GLIS3: variants seen among roughly 807,000 people sequenced by gnomAD.
The protein encoded by GLIS3 is zinc finger protein GLIS3.
A neutral mutation model predicts 78.6 loss-of-function variants in GLIS3; 53 were observed. The observed-to-expected ratio is 0.67, with a 90% CI of 0.54 to 0.85. The LOEUF is 0.85. Ranked by LOEUF, GLIS3 falls within the 40% of genes least tolerant of loss-of-function variation. GLIS3 has a pLI of 0.00. For missense variants in GLIS3, 1,703 were observed against 1,231.1 expected (o/e 1.38, Z -5.74); for synonymous variants, 684 against 509.9 (o/e 1.34, Z -4.60).
At chr9:4,027,665 A>C (rs1024966708) in intron 4 of GLIS3, among the ~76,000 whole-genome samples, 2 of 152,162 alleles carry the variant, frequency 1.3e-5, no homozygotes, top group Admixed American at 1.3e-4. Flanking sequence ...CTGTTCCTAA[A>C]CAGTCTGATA....
chr9:4,350,763 A>G (rs1368264577), upstream of GLIS3, among the ~76,000 whole-genome samples: 1 of 146,186 alleles, frequency 6.8e-6, no homozygotes, highest in East Asian at 2.1e-4. Flanking sequence ...CTTCTACCCA[A>G]AATGCCTTGG....
intron 4 of GLIS3, among the ~76,000 whole-genome samples, chr9:4,090,106 G>A (rs937417209): frequency 1.3e-5 from 2 of 152,102 alleles, no homozygotes; most frequent in African/African-American, 2.4e-5. Flanking sequence ...CTTTGTCAAA[G>A]CACTTGTCCC....
chr9:4,398,681 T>TTTG, the GLIS3 span, among the ~76,000 whole-genome samples: 5 of 151,992 alleles, frequency 3.3e-5, no homozygotes, highest in African/African-American at 4.8e-5. Context: ...CTTAAGCTCT[T>TTTG]TTGTTGTTGT....
At chr9:4,249,250 A>G (rs961352096) in intron 2 of GLIS3, among the ~76,000 whole-genome samples, 38 of 152,224 alleles carry the variant, frequency 2.5e-4, no homozygotes, top group Non-Finnish European at 1.2e-4. Context: ...CTTCCTATCC[A>G]TGAACATGGA....
chr9:4,172,481 G>A (rs868610640), intron 2 of GLIS3, among the ~76,000 whole-genome samples: 9 of 152,200 alleles, frequency 5.9e-5, no homozygotes, highest in Admixed American at 1.3e-4. Context: ...AAATCCAAAC[G>A]TACAGTATTT....
chr9:3,964,405 G>A (rs976282538), intron 4 of GLIS3, among the ~76,000 whole-genome samples: 1 of 151,978 alleles, frequency 6.6e-6, no homozygotes, highest in African/African-American at 2.4e-5. Context: ...TTTAACAAAA[G>A]GTCAAGACGT....
At chr9:4,162,856 A>T (rs1268910535) in intron 2 of GLIS3, among the ~76,000 whole-genome samples, 1 of 6,198 alleles carries the variant, frequency 1.6e-4, no homozygotes, top group Non-Finnish European at 2.9e-4. Context: ...CGCTCTGTCA[A>T]AAAAAAAAAA....
Position 4,046,457 on chromosome 9 carries a change from G to A in GLIS3, c.1710+71311C>T, listed in dbSNP as rs1367794489. 2.6e-5 allele frequency among the ~76,000 whole-genome samples: 4 copies of A among 152,164 alleles called. No homozygotes were observed. In the East Asian group the frequency reaches 7.7e-4, roughly 29 times the overall value. On this transcript the variant is annotated intron_variant, in intron 4 of 10. Transcript: ENST00000381971. ...GGGCCCAAATAAACAACCCTATAAG[G>A]AGGGGCTGAGAGATACATGACTTAA...
chr9:4,098,732 G>A (rs754680983), intron 4 of GLIS3, among the ~76,000 whole-genome samples: 20 of 151,962 alleles, frequency 1.3e-4, no homozygotes, highest in Non-Finnish European at 2.4e-4. Flanking sequence ...AAAGTTTTAC[G>A]ATCGAAATGG....
At chr9:4,077,691 G>T (rs761246965) in intron 4 of GLIS3, among the ~76,000 whole-genome samples, 1 of 152,062 alleles carries the variant, frequency 6.6e-6, no homozygotes, top group Non-Finnish European at 1.5e-5. Context: ...CCAACAGGGG[G>T]CGCGGGGGGG....
At chr9:3,878,417 A>G (rs1303664185) in intron 8 of GLIS3, among the ~76,000 whole-genome samples, 1 of 152,202 alleles carries the variant, frequency 6.6e-6, no homozygotes. Context: ...ACAAAATAAT[A>G]TTGATAAAGG....
the GLIS3 span, among the ~76,000 whole-genome samples, chr9:4,383,455 A>G: frequency 6.6e-6 from 1 of 152,212 alleles, no homozygotes; most frequent in African/African-American, 2.4e-5. Flanking sequence ...TTTATTATGT[A>G]TCAAAGATAA....
At chr9:3,959,863 A>C (rs1375772225) in intron 4 of GLIS3, among the ~76,000 whole-genome samples, 2 of 152,170 alleles carry the variant, frequency 1.3e-5, no homozygotes, top group Non-Finnish European at 2.9e-5. Flanking sequence ...TAGAAAGAGG[A>C]AATTTGGGCC....
At chr9:4,382,941 C>T in the GLIS3 span, among the ~76,000 whole-genome samples, 35 of 152,282 alleles carry the variant, frequency 2.3e-4, no homozygotes, top group African/African-American at 8.4e-4. Context: ...TCTCACAAAG[C>T]AAAATTTGAC....
chr9:4,367,203 A>G, the GLIS3 span, among the ~76,000 whole-genome samples: 1 of 152,228 alleles, frequency 6.6e-6, no homozygotes, highest in Non-Finnish European at 1.5e-5. Flanking sequence ...CCGACGGCAT[A>G]TACCCTGCCC....
At chr9:4,202,404 G>C (rs1819485485) in intron 2 of GLIS3, among the ~76,000 whole-genome samples, 1 of 148,256 alleles carries the variant, frequency 6.7e-6, no homozygotes, top group Admixed American at 6.8e-5. Context: ...ACCCACCTCA[G>C]CCTCCCAAGG....
At chr9:4,058,384 T>A (rs1272726630) in intron 4 of GLIS3, among the ~76,000 whole-genome samples, 1 of 152,078 alleles carries the variant, frequency 6.6e-6, no homozygotes, top group African/African-American at 2.4e-5. Context: ...TTCAACAGTG[T>A]TTTTCTTTGC....
intron 4 of GLIS3, among the ~76,000 whole-genome samples, chr9:4,307,764 G>C (rs1817265619): frequency 1.3e-5 from 2 of 152,162 alleles, no homozygotes; most frequent in Non-Finnish European, 2.9e-5. Flanking sequence ...GGTGCAGGAA[G>C]GAGCTATTAA....
chr9:4,125,116 C>A (rs1832473565), intron 3 of GLIS3, among the ~76,000 whole-genome samples: 1 of 152,156 alleles, frequency 6.6e-6, no homozygotes, highest in African/African-American at 2.4e-5. Context: ...GGAACCTAAT[C>A]GACATTGTGT....
Sources: gnomAD v4.1 joint callset for allele counts (sites outside exome capture counted in the v4.1 genomes callset) on GRCh38, gnomAD v4.1.1 for gene constraint, MANE v1.5 for transcripts, NCBI Gene and HGNC (gene_info 2026-07-23, HGNC 2026-07-21) for gene names.